NUDCD3: variants seen among roughly 807,000 people sequenced by gnomAD.
NUDCD3 encodes NudC domain containing 3.
Under a neutral mutation model 39.7 loss-of-function variants are expected in NUDCD3, and 13 were observed. That is an observed-to-expected ratio of 0.33 (90% CI 0.21 to 0.52). The LOEUF (loss-of-function observed/expected upper bound fraction) is 0.52. NUDCD3 is among the 20% of genes least tolerant of loss of function. The probability of loss-of-function intolerance (pLI) is 0.96; values close to 1 mark genes in which losing one functional copy is unlikely to be tolerated. For missense variants in NUDCD3, 453 were observed against 458.1 expected, an observed-to-expected ratio of 0.99 and a Z score of 0.10; for synonymous variants, 175 against 172.4, an observed-to-expected ratio of 1.02 and a Z score of -0.12.
chr7:44,448,182 A>C (rs1353000162), intron 2 of NUDCD3, among the ~76,000 whole-genome samples: 2 of 152,046 alleles, frequency 1.3e-5, no homozygotes, highest in African/African-American at 4.8e-5. Context: ...GGCTTCTCTC[A>C]TTTCCTTTGC....
At position 44,464,311 on chromosome 7, in the gene NUDCD3, A is replaced by C. The variant is rs535311291; in HGVS notation, c.509+20657T>G. 4.6e-5 allele frequency among the ~76,000 whole-genome samples: 7 copies of C among 152,240 alleles called. No individual in the cohort carries two copies. The East Asian group carries it at 1.3e-3, about 29-fold the overall frequency. On this transcript the variant is annotated intron_variant, in intron 2 of 5. Coordinates refer to ENST00000355451, the MANE Select transcript of NUDCD3 (RefSeq NM_015332.4). ...CCCTCAAAGTGACAGCAGGCCAACT[A>C]GAAAGAAAAAGAGCGCCACAGTCCC... is the stretch of plus-strand genomic sequence containing the variant.
At chr7:44,427,022 G>A (rs1447083471) in intron 3 of NUDCD3, among the ~76,000 whole-genome samples, 1 of 152,168 alleles carries the variant, frequency 6.6e-6, no homozygotes, top group East Asian at 1.9e-4. Context: ...GCTACCCACT[G>A]TGTCATTTTG....
rs1798367454 is a variant in NUDCD3, at chr7:44,384,539, T to C, written c.*1472A>G. On this transcript the variant is annotated 3_prime_UTR_variant, in exon 6 of 6. Transcript: ENST00000355451. ...CAGGAATGCTTTCTTACAAGGGGTG[T>C]CAGCCACCACTGTAAACCAGAAACA... 6.6e-6 allele frequency: 1 copy of C among 152,192 alleles called. No individual in the cohort carries two copies. The highest frequency in any genetic ancestry group is 2.1e-4 in the South Asian group (1 of 4,826). The allele number at this position is 152,192 out of a possible 1,614,324, so 9.4% of individuals were successfully genotyped here.
chr7:44,488,389 G>C lies in NUDCD3; in HGVS notation c.192+2020C>G, dbSNP rs896327176. ...AAAAAGTTCCTTAAGCGATGCTGAT[G>C]GTTGAGAACCACTTCCAGAAAACAT... On this transcript the variant is annotated intron_variant, in intron 1 of 5. Transcript: ENST00000355451. 8.9e-4 allele frequency among the ~76,000 whole-genome samples: 135 copies of C among 151,484 alleles called. 1 individual carries two copies. The highest frequency in any genetic ancestry group is 3.1e-3 in the African/African-American group (128 of 41,326).
chr7:44,420,895 A>G (rs1246183404), intron 3 of NUDCD3, among the ~76,000 whole-genome samples: 1 of 152,268 alleles, frequency 6.6e-6, no homozygotes, highest in Non-Finnish European at 1.5e-5. Context: ...CTGCAAAAAC[A>G]TACCAAAATA....
intron 2 of NUDCD3, among the ~76,000 whole-genome samples, chr7:44,476,274 G>A (rs1045983724): frequency 6.6e-6 from 1 of 152,220 alleles, no homozygotes; most frequent in Non-Finnish European, 1.5e-5. Context: ...GGGACATCAA[G>A]AGCCACAGAT....
At chr7:44,411,677 T>C (rs956137334) in intron 3 of NUDCD3, among the ~76,000 whole-genome samples, 1 of 152,234 alleles carries the variant, frequency 6.6e-6, no homozygotes, top group African/African-American at 2.4e-5. Flanking sequence ...CCCTCATACA[T>C]TTCTGGTGGA....
intron 2 of NUDCD3, among the ~76,000 whole-genome samples, chr7:44,476,929 G>C (rs556356785): frequency 6.6e-6 from 1 of 152,124 alleles, no homozygotes; most frequent in African/African-American, 2.4e-5. Flanking sequence ...CCATACCTAC[G>C]GAGACCAAGT....
intron 2 of NUDCD3, among the ~76,000 whole-genome samples, chr7:44,459,406 T>C (rs1030766021): frequency 6.6e-6 from 1 of 152,124 alleles, no homozygotes; most frequent in Non-Finnish European, 1.5e-5. Context: ...CAGGCTGGTC[T>C]GGAACTCCTG....
At chr7:44,386,918 C>T (rs892470570) in intron 5 of NUDCD3, among the ~76,000 whole-genome samples, 2 of 152,130 alleles carry the variant, frequency 1.3e-5, no homozygotes, top group African/African-American at 4.8e-5. Flanking sequence ...CTATATCTGC[C>T]CTCCTCACCT....
chr7:44,480,978 TG>T (rs1800479051), intron 2 of NUDCD3, among the ~76,000 whole-genome samples: 1 of 141,186 alleles, frequency 7.1e-6, no homozygotes, highest in Admixed American at 7.0e-5. Context: ...TCCAAAAATT[TG>T]AAAAAAAAAA....
intron 4 of NUDCD3, chr7:44,402,968 AAG>A (rs1438988081): frequency 2.6e-5 from 6 of 232,180 alleles, no homozygotes; most frequent in Non-Finnish European, 4.4e-5. Flanking sequence ...GTATGACATA[AAG>A]GAAAGGAACT....
chr7:44,472,555 GA>G (rs1282843920), intron 2 of NUDCD3, among the ~76,000 whole-genome samples: 2 of 152,124 alleles, frequency 1.3e-5, no homozygotes, highest in African/African-American at 2.4e-5. Flanking sequence ...TAATTTACGG[GA>G]ATATTTGAGA....
chr7:44,448,636 G>A (rs1482853572), intron 2 of NUDCD3, among the ~76,000 whole-genome samples: 1 of 152,132 alleles, frequency 6.6e-6, no homozygotes, highest in African/African-American at 2.4e-5. Flanking sequence ...AGTCTAAGCT[G>A]AGTGACACCT....
In NUDCD3 at chr7:44,485,270, A is replaced by C. The variant is rs779631530; in HGVS notation, c.207T>G (p.Phe69Leu). Reference sequence around the variant, plus strand: ...CATCATCCTGACGGGCCATGTGGTCAAAGGTTTTGAATACCTAAAATCAAA... The same window carrying C: ...CATCATCCTGACGGGCCATGTGGTCCAAGGTTTTGAATACCTAAAATCAAA... ...QALVLQVFKT[F>L]DHMARQDDEK... The change falls in exon 2 of 6, where the codon TTT (phenylalanine) becomes TTG (leucine). Residue 69 changes from phenylalanine to leucine, a missense_variant. Transcript: ENST00000355451. The C allele has an allele frequency of 1.9e-6, 3 of 1,611,062 alleles. No individual in the cohort carries two copies. Among genetic ancestry groups the C allele is most frequent in the Admixed American group, 1.7e-5 (1 of 59,750 alleles).
At chr7:44,488,067 T>C (rs563869790) in intron 1 of NUDCD3, among the ~76,000 whole-genome samples, 1 of 152,250 alleles carries the variant, frequency 6.6e-6, no homozygotes, top group Non-Finnish European at 1.5e-5. Flanking sequence ...CCAGGCGCAG[T>C]GGCTCACACC....
intron 3 of NUDCD3, among the ~76,000 whole-genome samples, chr7:44,423,081 A>T (rs935347417): frequency 3.3e-5 from 5 of 152,234 alleles, no homozygotes; most frequent in African/African-American, 1.2e-4. Context: ...GCCTTCAATA[A>T]AATTCAACAC....
At chr7:44,467,982 T>A (rs1800156924) in intron 2 of NUDCD3, 1 of 1,611,816 alleles carries the variant, frequency 6.2e-7, no homozygotes, top group Admixed American at 1.7e-5. Context: ...GACCAATATG[T>A]CAAAATTAAG....
At chr7:44,431,668 CTTTTTTTTT>C (rs755819096) in intron 2 of NUDCD3, among the ~76,000 whole-genome samples, 10 of 120,836 alleles carry the variant, frequency 8.3e-5, no homozygotes, top group Non-Finnish European at 1.0e-4. Flanking sequence ...TCTCTCCTTC[CTTTTTTTTT>C]TTTTTTTTTT....
Sources: gnomAD v4.1 joint callset for allele counts (sites outside exome capture counted in the v4.1 genomes callset) on GRCh38, gnomAD v4.1.1 for gene constraint, MANE v1.5 for transcripts, NCBI Gene and HGNC (gene_info 2026-07-23, HGNC 2026-07-21) for gene names.